Variants in FBLN2 observed in about 807,000 individuals in gnomAD.
The protein encoded by FBLN2 is fibulin-2.
Under a neutral mutation model 123.7 loss-of-function variants are expected in FBLN2, and 81 were observed. The ratio of observed to expected loss-of-function variants is 0.65; its 90% CI spans 0.55 to 0.79. The LOEUF (loss-of-function observed/expected upper bound fraction) is 0.79, where lower values mean the gene tolerates loss of function less well. FBLN2 is among the 30% of genes least tolerant of loss of function. FBLN2 has a pLI of 0.00. For missense variants in FBLN2, 1,603 were observed against 1,681.3 expected, an observed-to-expected ratio of 0.95 and a Z score of 0.81; for synonymous variants, 699 against 701.4, an observed-to-expected ratio of 1.00 and a Z score of 0.05.
chr3:13,634,214 C>A (rs1706371987), intron 16 of FBLN2, among the ~76,000 whole-genome samples: 1 of 152,208 alleles, frequency 6.6e-6, no homozygotes, highest in East Asian at 1.9e-4. Context: ...CTCTGTCACC[C>A]ACTTTTGCAC....
intron 17 of FBLN2, 57 bp from the exon 18 acceptor site, chr3:13,637,505 G>A (rs545887108): frequency 3.8e-5 from 55 of 1,456,156 alleles, no homozygotes; most frequent in East Asian, 7.3e-5. Context: ...CTGTGTCCCC[G>A]TCTGGGGATG....
At chr3:13,620,508 G>A (rs1559423230) in intron 8 of FBLN2, among the ~76,000 whole-genome samples, 1 of 152,208 alleles carries the variant, frequency 6.6e-6, no homozygotes, top group Non-Finnish European at 1.5e-5. Flanking sequence ...CCACCCCCGT[G>A]GCCCCGCCTA....
At chr3:13,587,308 A>T (rs1019185241) in intron 2 of FBLN2, among the ~76,000 whole-genome samples, 2 of 152,284 alleles carry the variant, frequency 1.3e-5, no homozygotes, top group African/African-American at 2.4e-5. Context: ...TAAAGTAAAA[A>T]CATTACAGTA....
chr3:13,551,285 C>T (rs961604337), intron 1 of FBLN2, among the ~76,000 whole-genome samples: 2 of 152,184 alleles, frequency 1.3e-5, no homozygotes, highest in African/African-American at 2.4e-5. Flanking sequence ...GTGCCCAGGG[C>T]CCTGGGCCAC....
chr3:13,608,714 G>T (rs575246895), intron 3 of FBLN2, among the ~76,000 whole-genome samples: 2 of 152,186 alleles, frequency 1.3e-5, no homozygotes, highest in Non-Finnish European at 2.9e-5. Context: ...TTGGTCAGCT[G>T]CTCATGCTTT....
chr3:13,576,015 G>A (rs185960659), intron 2 of FBLN2, among the ~76,000 whole-genome samples: 10 of 152,292 alleles, frequency 6.6e-5, no homozygotes, highest in Admixed American at 6.5e-4. Flanking sequence ...CTCGGCAAGG[G>A]CGAGTTCTGT....
intron 1 of FBLN2, among the ~76,000 whole-genome samples, chr3:13,550,322 T>G (rs988999351): frequency 5.3e-5 from 8 of 152,318 alleles, no homozygotes; most frequent in Admixed American, 2.6e-4. Flanking sequence ...CCGTGCATCC[T>G]CTCTCCCTTC....
rs891389595 is a variant in FBLN2, at chr3:13,630,011, A to T, written c.2968+66A>T. 15 of 1,588,098 alleles carry T rather than the reference A, an allele frequency of 9.4e-6. No individual in the cohort carries two copies. In the Admixed American group the frequency reaches 2.5e-4, roughly 26 times the overall value. ...CTGTAGTGGGCAGACCCGCCGTGGA[A>T]GGCCCAGAGCCTTCTGTGACCCTTC... On this transcript the variant is annotated intron_variant, in intron 14 of 17. Transcript: ENST00000404922.
chr3:13,600,708 C>T (rs748222985), intron 2 of FBLN2, among the ~76,000 whole-genome samples: 6 of 151,378 alleles, frequency 4.0e-5, no homozygotes, highest in South Asian at 4.2e-4. Context: ...CTCCGCCTCA[C>T]GGGTTCAAGT....
intron 6 of FBLN2, among the ~76,000 whole-genome samples, 198 bp from the exon 7 acceptor site, chr3:13,618,706 C>T (rs557486138): frequency 6.6e-6 from 1 of 152,174 alleles, no homozygotes; most frequent in Admixed American, 6.5e-5. Flanking sequence ...CCTTCTACCC[C>T]CTCTGCCCCC....
chr3:13,622,971 A>AGC (rs1705906307), intron 9 of FBLN2, among the ~76,000 whole-genome samples: 1 of 152,264 alleles, frequency 6.6e-6, no homozygotes, highest in South Asian at 2.1e-4. Flanking sequence ...GTAGGATCAG[A>AGC]ACCTAGTGCG....
In FBLN2 at chr3:13,616,819, T is replaced by C. The variant is rs570762325; in HGVS notation, c.1730-1257T>C. Among the ~76,000 whole-genome samples the C allele has an allele frequency of 5.9e-5, 9 of 152,264 alleles. No homozygotes were observed. In the East Asian group the frequency reaches 1.5e-3, roughly 26 times the overall value. On this transcript the variant is annotated intron_variant, in intron 5 of 17. Transcript: ENST00000404922. Reference sequence around the variant, plus strand: ...TCTCACCTGCTCCCCAGCACAACCCTGGGAGATGGGTTTATTCCAGAATCT... The same window carrying C: ...TCTCACCTGCTCCCCAGCACAACCCCGGGAGATGGGTTTATTCCAGAATCT...
chr3:13,618,383 C>A, intron 6 of FBLN2, 98 bp downstream of exon 6: 3 of 1,103,652 alleles, frequency 2.7e-6, no homozygotes, highest in African/African-American at 1.5e-5. Context: ...TCCTTCACTT[C>A]CTGTTACCCC....
intron 2 of FBLN2, among the ~76,000 whole-genome samples, chr3:13,590,370 G>A (rs889686689): frequency 4.1e-4 from 62 of 151,828 alleles, no homozygotes; most frequent in African/African-American, 1.4e-3. Flanking sequence ...CTGTTGCCCA[G>A]ACTGGAGTGC....
chr3:13,604,821 G>T lies in FBLN2; in HGVS notation c.1307-3241G>T, dbSNP rs545311856. Among the ~76,000 whole-genome samples the T allele has an allele frequency of 3.5e-3, 527 of 152,340 alleles. 4 individuals are homozygous for T. The highest frequency in any genetic ancestry group is 6.0e-3 in the Non-Finnish European group (406 of 68,028). Reference sequence around the variant, plus strand: ...TTTCCCTGTTTTACAGAAAAGGAATGAAAACTTAGGAAAGCTTGGTAACTT... The same window carrying T: ...TTTCCCTGTTTTACAGAAAAGGAATTAAAACTTAGGAAAGCTTGGTAACTT... On this transcript the variant is annotated intron_variant, in intron 2 of 17. Transcript: ENST00000404922.
Position 13,570,725 on chromosome 3 carries a change from G to A in FBLN2, c.370G>A (p.Ala124Thr). The A allele has an allele frequency of 1.2e-6, 2 of 1,600,768 alleles. No individual in the cohort carries two copies. Among genetic ancestry groups the A allele is most frequent in the Non-Finnish European group, 1.7e-6 (2 of 1,174,108 alleles). The change falls in exon 2 of 18, where the codon GCT (alanine) becomes ACT (threonine). Residue 124 changes from alanine to threonine, a missense_variant. By Grantham distance (58) the Ala-to-Thr change is moderately conservative. Coordinates refer to ENST00000404922, the MANE Select transcript of FBLN2 (RefSeq NM_001004019.2). ...GGAGCTGCCGCCCAACTGCATCGAG[G>A]CTGTAGTGGTGGCTGACAGCTGCCC... Reference protein sequence around the residue: ...CPELPPNCIEAVVVADSCPQC... With the variant: ...CPELPPNCIETVVVADSCPQC...
At chr3:13,615,558 G>T (rs1705569388) in intron 5 of FBLN2, among the ~76,000 whole-genome samples, 1 of 152,240 alleles carries the variant, frequency 6.6e-6, no homozygotes, top group Non-Finnish European at 1.5e-5. Flanking sequence ...CTCCTTCTCA[G>T]AGCCTTCACT....
intron 16 of FBLN2, among the ~76,000 whole-genome samples, chr3:13,635,400 C>A (rs141455984): frequency 8.3e-5 from 12 of 145,192 alleles, no homozygotes; most frequent in East Asian, 4.0e-4. Flanking sequence ...ACACACACAC[C>A]CACACACACC....
At chr3:13,628,016 T>C (rs746268890) in intron 11 of FBLN2, 47 bp downstream of exon 11, 31 of 1,581,026 alleles carry the variant, frequency 2.0e-5, no homozygotes, top group East Asian at 2.3e-5. Flanking sequence ...AGGGCTCTAC[T>C]GGAGGCATTG....
Sources: gnomAD v4.1 joint callset for allele counts (sites outside exome capture counted in the v4.1 genomes callset) on GRCh38, gnomAD v4.1.1 for gene constraint, MANE v1.5 for transcripts, NCBI Gene and HGNC (gene_info 2026-07-23, HGNC 2026-07-21) for gene names.